SPTB: variants seen among roughly 807,000 people sequenced by gnomAD.
SPTB encodes the protein spectrin beta, erythrocytic.
Under a neutral mutation model 256.2 loss-of-function variants are expected in SPTB, and 45 were observed. The ratio of observed to expected loss-of-function variants is 0.18; its 90% CI spans 0.14 to 0.23. The LOEUF (loss-of-function observed/expected upper bound fraction) is 0.23, where lower values mean the gene tolerates loss of function less well. SPTB is among the 10% of genes least tolerant of loss of function. The pLI, the probability that SPTB is intolerant of heterozygous loss-of-function variation, is 1.00. For missense variants in SPTB, 2,715 were observed against 3,040.4 expected (o/e 0.89, Z 2.52); for synonymous variants, 1,231 against 1,243.1 (o/e 0.99, Z 0.21).
intron 15 of SPTB, among the ~76,000 whole-genome samples, chr14:64,788,792 A>G (rs570418635): frequency 6.6e-6 from 1 of 152,194 alleles, no homozygotes; most frequent in South Asian, 2.1e-4. Flanking sequence ...TGTCTTTGAG[A>G]TGGAGGAGGT....
chr14:64,823,924 A>G lies in SPTB; in HGVS notation c.-51-779T>C, dbSNP rs1317779739. Among the ~76,000 whole-genome samples, 3 of 152,334 alleles carry G rather than the reference A, an allele frequency of 2.0e-5. No individual in the cohort carries two copies. The East Asian group carries it at 5.8e-4, about 29-fold the overall frequency. On this transcript the variant is annotated intron_variant, in intron 1 of 35. Transcript: ENST00000644917. The surrounding 1 kb of genome is among the most constrained non-coding windows in gnomAD (Gnocchi z 6.5). ...CATCCCATGGACAATGGAACCGTGC[A>G]TTGTGAGTCCATGTGATGAACCAGC... is the stretch of plus-strand genomic sequence containing the variant.
intron 29 of SPTB, chr14:64,768,183 A>C: frequency 2.4e-6 from 1 of 422,494 alleles, no homozygotes; most frequent in Admixed American, 3.5e-5. Context: ...CTGGGACTAT[A>C]GGTGTGCACC....
Position 64,767,944 on chromosome 14 carries a change from G to C in SPTB, c.6023-85C>G. ...CGTTCACTCCTGATTGGGGCCAGTG[G>C]TCAGGCAGGTGGCCTGAATAGGTGT... On this transcript the variant is annotated intron_variant, in intron 29 of 35. Transcript: ENST00000644917. The C allele has an allele frequency of 2.7e-6, 4 of 1,504,198 alleles. No individual in the cohort carries two copies. The Admixed American group carries it at 5.6e-5, about 21-fold the overall frequency. 93.2% of individuals were successfully genotyped at this position (1,504,198 alleles called of 1,614,324 possible).
In SPTB at chr14:64,816,394, C is replaced by T. The variant is rs1305052653; in HGVS notation, c.148+6553G>A. On this transcript the variant is annotated intron_variant, in intron 2 of 35. Transcript: ENST00000644917. The surrounding 1 kb of genome is among the most constrained non-coding windows in gnomAD (Gnocchi z 4.2). ...TTCCTGCCCAGGACCTTGGCAACAC[C>T]GGTGGCCTATCAGGCCTGTGAAGTG... Among the ~76,000 whole-genome samples, 9 of 152,180 alleles carry T rather than the reference C, an allele frequency of 5.9e-5. No homozygotes were observed. Among genetic ancestry groups the T allele is most frequent in the Non-Finnish European group, 8.8e-5 (6 of 68,032 alleles).
chr14:64,768,143 G>A (rs1354306918), intron 29 of SPTB: 1 of 493,736 alleles, frequency 2.0e-6, no homozygotes, highest in African/African-American at 1.9e-5. Context: ...CTGGGTTCAA[G>A]TGATCCTCCC....
intron 1 of SPTB, among the ~76,000 whole-genome samples, chr14:64,868,769 T>C (rs1343280590): frequency 6.6e-6 from 1 of 152,204 alleles, no homozygotes. Context: ...CATTTGACAA[T>C]AATTCCGACC....
At chr14:64,768,173 C>T (rs1432030832) in intron 29 of SPTB, 2 of 441,102 alleles carry the variant, frequency 4.5e-6, no homozygotes, top group Admixed American at 6.9e-5. Context: ...TACCAAGTGG[C>T]TGGGACTATA....
chr14:64,860,019 A>T (rs1473542632), intron 1 of SPTB, among the ~76,000 whole-genome samples: 1 of 152,162 alleles, frequency 6.6e-6, no homozygotes, highest in Admixed American at 6.5e-5. Flanking sequence ...GGTGCTTCCA[A>T]CTGAATAAAA....
intron 20 of SPTB, 46 bp downstream of exon 20, chr14:64,782,244 T>C (rs2082484068): frequency 6.2e-7 from 1 of 1,613,930 alleles, no homozygotes; most frequent in Non-Finnish European, 8.5e-7. Context: ...TGGCTTCCAC[T>C]ATCCCTTCTA....
chr14:64,840,401 T>C (rs571855867), intron 1 of SPTB, among the ~76,000 whole-genome samples: 13 of 152,344 alleles, frequency 8.5e-5, no homozygotes, highest in Admixed American at 2.6e-4. Flanking sequence ...TTCGTTTAGA[T>C]TCACGCTTTA....
chr14:64,755,397 G>GC (rs1389351389), intron 32 of SPTB: 1 of 152,236 alleles, frequency 6.6e-6, no homozygotes, highest in Non-Finnish European at 1.5e-5. Flanking sequence ...GGCAGTGGTT[G>GC]CAAGAAAGAT....
Position 64,852,816 on chromosome 14 carries a change from G to A in SPTB, c.-52+26976C>T, listed in dbSNP as rs1009349273. Among the ~76,000 whole-genome samples, 1 of 152,182 alleles carries A rather than the reference G, an allele frequency of 6.6e-6. No individual in the cohort carries two copies. The highest frequency in any genetic ancestry group is 1.5e-5 in the Non-Finnish European group (1 of 68,032). On this transcript the variant is annotated intron_variant, in intron 1 of 35. Transcript: ENST00000644917. This position sits in a 1 kb window ranked among gnomAD's most constrained non-coding sequence, Gnocchi z 4.2. ...GCCCTTACCCTGTGCTCACCATAAT[G>A]TTAGGTGTTGGGATGCAATAATGAA...
rs557089778 is a variant in SPTB at position 64,760,503 on chromosome 14, C to T, written c.6345+6223G>A. ...TGCATTTACAAGCAAAGAACACAGG[C>T]GACAAGGTCTTCTCTCTAAAGGTAA... is the stretch of plus-strand genomic sequence containing the variant. On this transcript the variant is annotated intron_variant, in intron 32 of 35. Transcript: ENST00000644917. This position sits in a 1 kb window ranked among gnomAD's most constrained non-coding sequence, Gnocchi z 4.3. Among the ~76,000 whole-genome samples the T allele has an allele frequency of 4.6e-5, 7 of 152,238 alleles. No individual in the cohort carries two copies. The highest frequency in any genetic ancestry group is 6.5e-5 in the Admixed American group (1 of 15,286).
In SPTB at chr14:64,827,179, G is replaced by A. The variant is rs547647821; in HGVS notation, c.-51-4034C>T. On this transcript the variant is annotated intron_variant, in intron 1 of 35. Transcript: ENST00000644917. This position sits in a 1 kb window ranked among gnomAD's most constrained non-coding sequence, Gnocchi z 4.6. ...CCATGTCAGCCCTCGCCGAAGCCCC[G>A]AGCAGAAGAGGCAGCTGTTCTCTTT... 3.8e-4 allele frequency among the ~76,000 whole-genome samples: 58 copies of A among 152,280 alleles called. No individual in the cohort carries two copies. The highest frequency in any genetic ancestry group is 8.3e-4 in the South Asian group (4 of 4,822).
In SPTB at chr14:64,806,054, G is replaced by A. The variant is rs553075719; in HGVS notation, c.149-964C>T. ...TCTGTACAAATAATGCTGGTGGTCT[G>A]TCCAAGTTAGGCACCAGCATTACCT... is the stretch of plus-strand genomic sequence containing the variant. On this transcript the variant is annotated intron_variant, in intron 2 of 35. Transcript: ENST00000644917. The surrounding 1 kb of genome is among the most constrained non-coding windows in gnomAD (Gnocchi z 4.1). Among the ~76,000 whole-genome samples, 15 of 151,924 alleles carry A rather than the reference G, an allele frequency of 9.9e-5. No homozygotes were observed. The South Asian group carries it at 2.3e-3, about 23-fold the overall frequency.
At chr14:64,768,042 A>G in intron 29 of SPTB, 183 bp from the exon 30 acceptor site, 1 of 671,198 alleles carries the variant, frequency 1.5e-6, no homozygotes, top group South Asian at 1.7e-5. Context: ...CGATCTTCAC[A>G]ATAGTTATAT....
chr14:64,777,828 G>A lies in SPTB; in HGVS notation c.4563+1329C>T, dbSNP rs929974430. On this transcript the variant is annotated intron_variant, in intron 22 of 35. Transcript: ENST00000644917. The surrounding 1 kb of genome is among the most constrained non-coding windows in gnomAD (Gnocchi z 4.5). Reference sequence around the variant, plus strand: ...AAATAGTCTTCATTAGGGCAGTCACGCTGTCCCAAGAGGCTGCCTTTCCCT... The same window carrying A: ...AAATAGTCTTCATTAGGGCAGTCACACTGTCCCAAGAGGCTGCCTTTCCCT... Among the ~76,000 whole-genome samples the A allele has an allele frequency of 3.3e-5, 5 of 152,166 alleles. No individual in the cohort carries two copies.
rs998773179 is a variant in SPTB, at chr14:64,847,388, C to A, written c.-51-24243G>T. On this transcript the variant is annotated intron_variant, in intron 1 of 35. Coordinates refer to ENST00000644917, the MANE Select transcript of SPTB (RefSeq NM_001355436.2). This position sits in a 1 kb window ranked among gnomAD's most constrained non-coding sequence, Gnocchi z 5.9. Reference sequence around the variant, plus strand: ...CGTATCATGTCTCAGGCTAAGAGGACCCCGATGTGGGCATCTAGGGGAGAA... The same window carrying A: ...CGTATCATGTCTCAGGCTAAGAGGAACCCGATGTGGGCATCTAGGGGAGAA... Among the ~76,000 whole-genome samples, 5 of 152,154 alleles carry A rather than the reference C, an allele frequency of 3.3e-5. No homozygotes were observed. Among genetic ancestry groups the A allele is most frequent in the African/African-American group, 1.2e-4 (5 of 41,416 alleles).
In SPTB at chr14:64,823,043, T is replaced by A. The variant is rs759868093; in HGVS notation, c.52A>T (p.Arg18Trp). The change falls in exon 2 of 36, where the codon AGG (arginine) becomes TGG (tryptophan). Residue 18 changes from arginine to tryptophan, a missense_variant. Physicochemically the swap from Arg to Trp is moderately radical, Grantham distance 101. Transcript: ENST00000644917. This position sits in a 1 kb window ranked among gnomAD's most constrained non-coding sequence, Gnocchi z 6.5. Reference sequence around the variant, plus strand: ...GGGGCGTCCCAGCGGGCATTGATCCTGCTGTAAGGTGGCTGGTTGCCCACA... The same window carrying A: ...GGGGCGTCCCAGCGGGCATTGATCCAGCTGTAAGGTGGCTGGTTGCCCACA... The part of the protein sequence containing the change: ...ENVGNQPPYS[R>W]INARWDAPDD... 1 of 1,614,190 alleles carries A rather than the reference T, an allele frequency of 6.2e-7. No homozygotes were observed.
Sources: allele counts gnomAD v4.1 joint callset (sites outside exome capture counted in the v4.1 genomes callset), GRCh38; gene constraint gnomAD v4.1.1; non-coding constraint Gnocchi (gnomAD v3.1); transcripts MANE v1.5; gene names NCBI Gene and HGNC (gene_info 2026-07-23, HGNC 2026-07-21).